Variants in TMEM131L observed in about 807,000 individuals in gnomAD.
TMEM131L encodes transmembrane 131 like.
TMEM131L carries 54 observed loss-of-function variants against 192.2 expected under a neutral mutation model. The ratio of observed to expected loss-of-function variants is 0.28; its 90% CI spans 0.23 to 0.35. The LOEUF is 0.35. TMEM131L is among the 10% of genes least tolerant of loss of function. The probability of loss-of-function intolerance (pLI) is 1.00; values close to 1 mark genes in which losing one functional copy is unlikely to be tolerated. For missense variants in TMEM131L, 1,888 were observed against 1,972.9 expected (o/e 0.96, Z 0.82); for synonymous variants, 701 against 704.9 (o/e 0.99, Z 0.09).
rs1269774063 is a variant in TMEM131L, at chr4:153,556,951, G to GACT, written c.433-15_433-14insACT. On this transcript the variant is annotated splice_polypyrimidine_tract_variant and intron_variant, in intron 5 of 34. Transcript: ENST00000409959. ...GAGGCCATTCCAAGTGGCTGACTGG[G>GACT]GACCTTTCTTTCAGGTAATTCCAGC... 9 of 1,295,698 alleles carry GACT rather than the reference G, an allele frequency of 6.9e-6. No homozygotes were observed. Among genetic ancestry groups the GACT allele is most frequent in the Non-Finnish European group, 1.0e-5 (9 of 898,780 alleles). 80.3% of individuals were successfully genotyped at this position (1,295,698 alleles called of 1,614,324 possible).
rs115302604 is a variant in TMEM131L at position 153,533,742 on chromosome 4, T to C, written c.240-16331T>C. ...ATCTCTTTCTAAACTTTTCATTGCC[T>C]GGTTCAGTACCTTATTTTCCTTAGT... On this transcript the variant is annotated intron_variant, in intron 3 of 34. Transcript: ENST00000409959. 7.4e-3 allele frequency among the ~76,000 whole-genome samples: 1,122 copies of C among 152,340 alleles called. 13 individuals carry two copies. Among genetic ancestry groups the C allele is most frequent in the African/African-American group, 0.026 (1,084 of 41,564 alleles).
At chr4:153,473,359 C>T (rs1731288455) in intron 2 of TMEM131L, among the ~76,000 whole-genome samples, 1 of 152,226 alleles carries the variant, frequency 6.6e-6, no homozygotes, top group South Asian at 2.1e-4. Context: ...CTGCGTTTGT[C>T]TTCTAATACA....
At chr4:153,505,995 A>G (rs1336554505) in intron 3 of TMEM131L, among the ~76,000 whole-genome samples, 2 of 152,208 alleles carry the variant, frequency 1.3e-5, no homozygotes, top group African/African-American at 4.8e-5. Flanking sequence ...CTTTGAAATT[A>G]CAACTTTTTC....
At chr4:153,488,851 C>G (rs1732556115) in intron 3 of TMEM131L, among the ~76,000 whole-genome samples, 1 of 152,162 alleles carries the variant, frequency 6.6e-6, no homozygotes, top group Admixed American at 6.5e-5. Flanking sequence ...TCTGCGGGCT[C>G]GCCGGCAGCC....
intron 8 of TMEM131L, 40 bp downstream of exon 8, chr4:153,580,943 C>G: frequency 7.3e-7 from 1 of 1,370,884 alleles, no homozygotes; most frequent in South Asian, 1.2e-5. Context: ...TGCTTTCCTC[C>G]TGCCTCTTTG....
intron 3 of TMEM131L, among the ~76,000 whole-genome samples, chr4:153,508,667 GT>G (rs1347265944): frequency 1.4e-5 from 2 of 146,972 alleles, no homozygotes; most frequent in African/African-American, 2.5e-5. Flanking sequence ...GTGATTTAAT[GT>G]TTTTTTTTAA....
At chr4:153,615,406 C>T (rs749218384) in intron 26 of TMEM131L, among the ~76,000 whole-genome samples, 2 of 152,106 alleles carry the variant, frequency 1.3e-5, no homozygotes, top group Admixed American at 6.5e-5. Flanking sequence ...GAGGTTTGGG[C>T]GTTACCCATG....
chr4:153,632,057 T>C (rs757454417), intron 31 of TMEM131L, among the ~76,000 whole-genome samples: 3 of 152,216 alleles, frequency 2.0e-5, no homozygotes, highest in Non-Finnish European at 4.4e-5. Context: ...CTCACGCCTG[T>C]AATCCCAACA....
At chr4:153,623,225 C>A in intron 29 of TMEM131L, 142 bp downstream of exon 29, 1 of 660,516 alleles carries the variant, frequency 1.5e-6, no homozygotes, top group Non-Finnish European at 2.3e-6. Flanking sequence ...TTTGGACTTA[C>A]TCACTTTCTT....
chr4:153,607,828 T>C (rs1050872064), intron 25 of TMEM131L, among the ~76,000 whole-genome samples: 1 of 152,176 alleles, frequency 6.6e-6, no homozygotes, highest in Admixed American at 6.5e-5. Context: ...ATTTTGTAAG[T>C]AATAGAAAAT....
At chr4:153,538,377 G>T (rs917524414) in intron 3 of TMEM131L, among the ~76,000 whole-genome samples, 51 of 152,148 alleles carry the variant, frequency 3.4e-4, no homozygotes, top group African/African-American at 1.2e-3. Flanking sequence ...GTCACATGCA[G>T]GCACTTCCCA....
rs935071630 is a variant in TMEM131L, at chr4:153,603,713, TG to T, written c.2790-88del. 41 of 1,386,174 alleles carry T rather than the reference TG, an allele frequency of 3.0e-5. No individual in the cohort carries two copies. The African/African-American group carries it at 4.8e-4, about 16-fold the overall frequency. The allele number at this position is 1,386,174 out of a possible 1,614,324, so 85.9% of individuals were successfully genotyped here. On this transcript the variant is annotated intron_variant, in intron 24 of 34. Transcript: ENST00000409959. Reference sequence around the variant, plus strand: ...GGTAAAACTTACACTCAGTACTGATTGCTACCCTTTTCTCATGGATATGGAA... The same window carrying T: ...GGTAAAACTTACACTCAGTACTGATTCTACCCTTTTCTCATGGATATGGAA...
chr4:153,516,895 T>C (rs1327008408), intron 3 of TMEM131L, among the ~76,000 whole-genome samples: 2 of 152,116 alleles, frequency 1.3e-5, no homozygotes, highest in Admixed American at 1.3e-4. Flanking sequence ...GGGGCGATCT[T>C]GGCTCACTGC....
intron 32 of TMEM131L, 134 bp downstream of exon 32, chr4:153,632,972 T>G: frequency 1.0e-6 from 1 of 976,442 alleles, no homozygotes; most frequent in Middle Eastern, 2.3e-4. Context: ...AGCTGTGCGT[T>G]TCCTTCTGCC....
At chr4:153,549,548 A>G (rs1164114677) in intron 3 of TMEM131L, among the ~76,000 whole-genome samples, 1 of 152,206 alleles carries the variant, frequency 6.6e-6, no homozygotes, top group Admixed American at 6.5e-5. Context: ...ACTATGAAGG[A>G]AAATGAAATC....
chr4:153,491,749 C>T (rs1261123903), intron 3 of TMEM131L, among the ~76,000 whole-genome samples: 1 of 152,078 alleles, frequency 6.6e-6, no homozygotes. Flanking sequence ...TTCTGTCACC[C>T]AGGCTGGAGT....
At position 153,587,799 on chromosome 4, in the gene TMEM131L, A is replaced by G; in HGVS notation, c.1540A>G (p.Lys514Glu). The part of the protein sequence containing the change: ...AHCGMHYFMG[K>E]SKAGNPNWNG... ...TTGTGGCATGCATTATTTCATGGGA[A>G]AATCAAAAGCAGGTAAGTATTTTGC... is the stretch of plus-strand genomic sequence containing the variant. Residue 514 changes from lysine (K) to glutamate (E), a missense_variant, in exon 15 of 35, where the codon AAA (lysine) becomes GAA (glutamate). Coordinates refer to ENST00000409959, the MANE Select transcript of TMEM131L (RefSeq NM_001131007.2). 3 of 1,612,978 alleles carry G rather than the reference A, an allele frequency of 1.9e-6. No individual in the cohort carries two copies. Among genetic ancestry groups the G allele is most frequent in the Non-Finnish European group, 2.5e-6 (3 of 1,178,972 alleles).
chr4:153,483,442 C>T (rs1324695626), intron 3 of TMEM131L, among the ~76,000 whole-genome samples: 2 of 148,986 alleles, frequency 1.3e-5, no homozygotes, highest in Admixed American at 6.6e-5. Context: ...TGGCTCATGC[C>T]TCTAGCACTT....
At chr4:153,610,669 T>C (rs1732549089) in intron 25 of TMEM131L, among the ~76,000 whole-genome samples, 2 of 152,224 alleles carry the variant, frequency 1.3e-5, no homozygotes, top group Non-Finnish European at 2.9e-5. Flanking sequence ...TTGAAAACTT[T>C]ATGTATCTTG....
Sources: allele counts gnomAD v4.1 joint callset (sites outside exome capture counted in the v4.1 genomes callset), GRCh38; gene constraint gnomAD v4.1.1; transcripts MANE v1.5; gene names NCBI Gene and HGNC (gene_info 2026-07-23, HGNC 2026-07-21).